GRAP2: variants seen among roughly 807,000 people sequenced by gnomAD.
GRAP2 encodes GRB2 related adaptor protein 2, also known as GRB2-related adapter protein 2.
In GRAP2, 31 loss-of-function variants were observed where a neutral mutation model predicts 43.5. That is an observed-to-expected ratio of 0.71 (90% CI 0.54 to 0.96). The LOEUF (loss-of-function observed/expected upper bound fraction) is 0.96. GRAP2 is among the 40% of genes least tolerant of loss of function. The pLI is 0.00. For missense variants in GRAP2, 371 were observed against 424.4 expected (o/e 0.87, Z 1.11); for synonymous variants, 156 against 164.8 (o/e 0.95, Z 0.41).
intron 1 of GRAP2, among the ~76,000 whole-genome samples, chr22:39,918,045 T>G (rs1298569242): frequency 6.6e-6 from 1 of 152,192 alleles, no homozygotes; most frequent in Admixed American, 6.5e-5. Flanking sequence ...CATTATCTGA[T>G]TTTTCCTTGC....
upstream of GRAP2, among the ~76,000 whole-genome samples, chr22:39,900,909 G>A (rs1359096364): frequency 2.0e-5 from 3 of 152,214 alleles, no homozygotes; most frequent in Non-Finnish European, 4.4e-5. Flanking sequence ...GAACACAAGT[G>A]TTCAGGGGGG....
chr22:39,954,581 G>A (rs547134544), intron 2 of GRAP2, among the ~76,000 whole-genome samples: 3 of 152,194 alleles, frequency 2.0e-5, no homozygotes, highest in Admixed American at 6.5e-5. Context: ...TTTTAGTAGA[G>A]ATGGCATTTC....
At chr22:39,942,505 T>C (rs1245196962) in intron 1 of GRAP2, among the ~76,000 whole-genome samples, 1 of 152,096 alleles carries the variant, frequency 6.6e-6, no homozygotes, top group Non-Finnish European at 1.5e-5. Flanking sequence ...ATTTGTTGGC[T>C]GGACCACGGT....
At chr22:39,901,055 A>T (rs2066489323), upstream of GRAP2, 3 of 325,810 alleles carry the variant, frequency 9.2e-6, no homozygotes, top group South Asian at 7.4e-5. Flanking sequence ...GAAGCCCCAT[A>T]TGTGCTAGTT....
chr22:39,969,299 A>G, intron 6 of GRAP2, 112 bp from the exon 7 acceptor site: 1 of 1,187,222 alleles, frequency 8.4e-7, no homozygotes, highest in Non-Finnish European at 1.2e-6. Context: ...ATTATCAGTA[A>G]GTATTCCTGG....
intron 1 of GRAP2, among the ~76,000 whole-genome samples, chr22:39,921,040 C>A (rs906280920): frequency 6.6e-6 from 1 of 151,360 alleles, no homozygotes; most frequent in Non-Finnish European, 1.5e-5. Flanking sequence ...AATGAAGAAT[C>A]GTTTGTATAT....
rs186855841 is a variant in GRAP2 at position 39,971,167 on chromosome 22, A to G, written c.*83A>G. The G allele has an allele frequency of 1.3e-3, 1,298 of 995,858 alleles. 17 individuals carry two copies. The African/African-American group carries it at 0.019, about 14-fold the overall frequency. 61.7% of individuals were successfully genotyped at this position (995,858 alleles called of 1,614,324 possible). A position where few individuals can be genotyped will look rare whatever the true frequency, so the allele number is the denominator to read the frequency against. ...AAAAAAGGCTGGACTCCATGACTAT[A>G]TATACATACATCTATCTACATCTGC... is the stretch of plus-strand genomic sequence containing the variant. On this transcript the variant is annotated 3_prime_UTR_variant, in exon 8 of 8. Coordinates refer to ENST00000344138, the MANE Select transcript of GRAP2 (RefSeq NM_004810.4).
At chr22:39,960,846 G>A (rs1289021280) in intron 4 of GRAP2, 1 of 152,188 alleles carries the variant, frequency 6.6e-6, no homozygotes, top group Non-Finnish European at 1.5e-5. Flanking sequence ...TTATGCTTAG[G>A]TTTGTCAAAG....
At chr22:39,955,998 C>G in intron 3 of GRAP2, 88 bp downstream of exon 3, 1 of 741,368 alleles carries the variant, frequency 1.3e-6, no homozygotes, top group African/African-American at 1.7e-5. Context: ...CATGGGAACC[C>G]AAGACATTGT....
upstream of GRAP2, among the ~76,000 whole-genome samples, chr22:39,898,659 A>G (rs1367181785): frequency 6.6e-6 from 1 of 152,124 alleles, no homozygotes; most frequent in Admixed American, 6.5e-5. Context: ...CTAAAAATAT[A>G]CAAATTAGCT....
At chr22:39,924,428 C>T (rs1021094293) in intron 1 of GRAP2, among the ~76,000 whole-genome samples, 3 of 152,182 alleles carry the variant, frequency 2.0e-5, no homozygotes, top group Admixed American at 6.5e-5. Flanking sequence ...TGGTCGGGCG[C>T]GGTGGCTCAT....
chr22:39,968,402 A>AT, intron 6 of GRAP2, 130 bp downstream of exon 6: 2 of 1,001,512 alleles, frequency 2.0e-6, no homozygotes, highest in South Asian at 3.2e-5. Context: ...AAATGGCAGA[A>AT]ATAGGGAAAC....
chr22:39,971,140 G>A lies in GRAP2; in HGVS notation c.*56G>A. 1 of 1,373,882 alleles carries A rather than the reference G, an allele frequency of 7.3e-7. No homozygotes were observed. Among genetic ancestry groups the A allele is most frequent in the Non-Finnish European group, 1.0e-6 (1 of 983,750 alleles). 85.1% of individuals were successfully genotyped at this position (1,373,882 alleles called of 1,614,324 possible). A position where few individuals can be genotyped will look rare whatever the true frequency, so the allele number is the denominator to read the frequency against. ...GAGCTGCCCACAAGAAAGAGGGCAA[G>A]GAAAAAAGGCTGGACTCCATGACTA... On this transcript the variant is annotated 3_prime_UTR_variant, in exon 8 of 8. Transcript: ENST00000344138.
chr22:39,952,474 T>C (rs578259929), intron 2 of GRAP2, among the ~76,000 whole-genome samples: 1 of 152,278 alleles, frequency 6.6e-6, no homozygotes, highest in East Asian at 1.9e-4. Context: ...AAGCGATGGA[T>C]GGAGTGCAGT....
chr22:39,957,299 C>A (rs909502073), intron 3 of GRAP2, among the ~76,000 whole-genome samples: 1 of 152,178 alleles, frequency 6.6e-6, no homozygotes, highest in Non-Finnish European at 1.5e-5. Context: ...TGCTAGGTGA[C>A]CTCTGCATAC....
chr22:39,928,629 C>T (rs1305420697), intron 1 of GRAP2, among the ~76,000 whole-genome samples: 1 of 152,212 alleles, frequency 6.6e-6, no homozygotes, highest in Non-Finnish European at 1.5e-5. Flanking sequence ...TACTAACTCC[C>T]TCCTAATCCA....
intron 3 of GRAP2, among the ~76,000 whole-genome samples, chr22:39,957,712 AT>A (rs1224776456): frequency 6.6e-6 from 1 of 152,098 alleles, no homozygotes; most frequent in Non-Finnish European, 1.5e-5. Context: ...AGGGAGGAGG[AT>A]CACTTGTGGC....
At position 39,970,966 on chromosome 22, in the gene GRAP2, T is replaced by G. The variant is rs993197979; in HGVS notation, c.875T>G (p.Phe292Cys). 6.2e-7 allele frequency: 1 copy of G among 1,613,464 alleles called. No individual in the cohort carries two copies. Among genetic ancestry groups the G allele is most frequent in the Non-Finnish European group, 8.5e-7 (1 of 1,179,794 alleles). ...GCCCTGGAGGATGACGAGCTGGGGT[T>G]CCACAGCGGGGAGGTGGTGGAGGTC... ...FEALEDDELG[F>C]HSGEVVEVLD... Residue 292 changes from phenylalanine (F) to cysteine (C), a missense_variant, in exon 8 of 8, where the codon TTC (phenylalanine) becomes TGC (cysteine). Phe to Cys is a radical substitution (Grantham distance 205). Transcript: ENST00000344138.
chr22:39,942,571 G>C (rs1489128632), intron 1 of GRAP2, among the ~76,000 whole-genome samples: 2 of 151,406 alleles, frequency 1.3e-5, no homozygotes, highest in Non-Finnish European at 2.9e-5. Context: ...GATCACTTGA[G>C]CCCAGGAGTT....
Sources: gnomAD v4.1 joint callset for allele counts (sites outside exome capture counted in the v4.1 genomes callset) on GRCh38, gnomAD v4.1.1 for gene constraint, MANE v1.5 for transcripts, NCBI Gene and HGNC (gene_info 2026-07-23, HGNC 2026-07-21) for gene names.